Variants in PCYT1B observed in about 807,000 individuals in gnomAD.
PCYT1B encodes phosphate cytidylyltransferase 1B, choline.
A neutral mutation model predicts 26.4 loss-of-function variants in PCYT1B; 10 were observed. The observed-to-expected ratio is 0.38, with a 90% CI of 0.23 to 0.64. PCYT1B has a LOEUF of 0.64. PCYT1B is among the 30% of genes least tolerant of loss of function. The pLI is 0.56. For missense variants in PCYT1B, 161 were observed against 292.7 expected (o/e 0.55, Z 3.28); for synonymous variants, 131 against 108.4 (o/e 1.21, Z -1.29).
At chrX:24,587,609 A>G (rs1216195642) in intron 4 of PCYT1B, among the ~76,000 whole-genome samples, 1 of 111,802 alleles carries the variant, frequency 8.9e-6, no homozygotes, top group East Asian at 2.8e-4. Flanking sequence ...TTCTGCATCT[A>G]AAGTTTCTCC....
intron 1 of PCYT1B, among the ~76,000 whole-genome samples, chrX:24,629,587 A>AC (rs1925996986): frequency 2.0e-5 from 2 of 101,007 alleles, no homozygotes; most frequent in Admixed American, 1.1e-4. Context: ...AAAAAAAAAA[A>AC]AAACAACACG....
At chrX:24,570,314 T>C (rs1329984989) in intron 7 of PCYT1B, among the ~76,000 whole-genome samples, 1 of 109,106 alleles carries the variant, frequency 9.2e-6, no homozygotes, top group Non-Finnish European at 1.9e-5. Flanking sequence ...AGTGCAGTGG[T>C]GCAATCTCGA....
upstream of PCYT1B, among the ~76,000 whole-genome samples, chrX:24,648,716 A>G (rs1419430023): frequency 9.1e-6 from 1 of 109,906 alleles, no homozygotes; most frequent in Non-Finnish European, 1.9e-5. Context: ...CCCGGACCTG[A>G]TTCAGTAAGT....
At chrX:24,651,470 AAAATATATATATATAT>A (rs1277211989), upstream of PCYT1B, among the ~76,000 whole-genome samples, 24 of 37,107 alleles carry the variant, frequency 6.5e-4, 3 homozygotes, top group African/African-American at 2.4e-3. Flanking sequence ...AAAAAAAAAA[AAAATATATATATATAT>A]ATATATATAT....
chrX:24,664,410 G>GA (rs1221301490), intron 1 of PCYT1B, among the ~76,000 whole-genome samples: 1 of 111,309 alleles, frequency 9.0e-6, no homozygotes, highest in Non-Finnish European at 1.9e-5. Flanking sequence ...TTCTTTATGA[G>GA]AAAAAAAATC....
intron 5 of PCYT1B, among the ~76,000 whole-genome samples, chrX:24,581,583 G>T (rs750440807): frequency 4.5e-5 from 5 of 111,935 alleles, no homozygotes; most frequent in Admixed American, 9.5e-5. Flanking sequence ...CCTTCCCATG[G>T]ACCACTCCCC....
intron 2 of PCYT1B, among the ~76,000 whole-genome samples, chrX:24,610,827 A>C (rs1457954820): frequency 1.8e-5 from 2 of 111,558 alleles, no homozygotes; most frequent in African/African-American, 6.5e-5. Context: ...TCAACAAATA[A>C]ACTTCAAGGC....
chrX:24,611,657 C>T (rs1925312118), intron 2 of PCYT1B, among the ~76,000 whole-genome samples: 1 of 110,882 alleles, frequency 9.0e-6, no homozygotes, highest in African/African-American at 3.3e-5. Context: ...GACATTATTC[C>T]CATGATTATG....
intron 2 of PCYT1B, among the ~76,000 whole-genome samples, chrX:24,617,622 A>G (rs1392774403): frequency 9.3e-6 from 1 of 108,020 alleles, no homozygotes; most frequent in Non-Finnish European, 1.9e-5. Flanking sequence ...TAATTTTTGT[A>G]TTTTTAGTAG....
At chrX:24,606,592 A>G (rs907567959) in intron 3 of PCYT1B, among the ~76,000 whole-genome samples, 7 of 112,247 alleles carry the variant, frequency 6.2e-5, no homozygotes, top group African/African-American at 2.3e-4. Flanking sequence ...GGCTGGGCAC[A>G]GTGGCTCACG....
intron 5 of PCYT1B, among the ~76,000 whole-genome samples, chrX:24,584,963 A>C (rs1455820702): frequency 8.9e-6 from 1 of 112,170 alleles, no homozygotes; most frequent in Admixed American, 9.5e-5. Flanking sequence ...TGTCTTTTGA[A>C]CTATTAAGAA....
At chrX:24,601,619 A>T (rs1924969085) in intron 3 of PCYT1B, among the ~76,000 whole-genome samples, 1 of 111,789 alleles carries the variant, frequency 8.9e-6, no homozygotes. Flanking sequence ...AAACAGCTGG[A>T]TTTTAAAAAA....
intron 1 of PCYT1B, among the ~76,000 whole-genome samples, chrX:24,623,364 CATATATATATATATATATATAT>C (rs57642734): frequency 0.013 from 1,047 of 79,677 alleles, 20 homozygotes; most frequent in African/African-American, 0.047. Context: ...ATGAGATTTA[CATATATATATATATATATATAT>C]ATATATATAT....
chrX:24,666,395 T>C (rs775630139), intron 1 of PCYT1B, among the ~76,000 whole-genome samples: 4 of 111,841 alleles, frequency 3.6e-5, no homozygotes, highest in Non-Finnish European at 3.8e-5. Context: ...AAAGATTGAT[T>C]TTTTGGTAAA....
At chrX:24,637,487 A>ATATATATATATATATATATATATAT (rs1218518627) in intron 1 of PCYT1B, among the ~76,000 whole-genome samples, 5 of 56,141 alleles carry the variant, frequency 8.9e-5, no homozygotes, top group African/African-American at 1.5e-4. Flanking sequence ...ACTAAAAAAA[A>ATATATATATATATATATATATATAT]AAAAATATAT....
chrX:24,603,785 C>T (rs184968162), intron 3 of PCYT1B, among the ~76,000 whole-genome samples: 383 of 111,575 alleles, frequency 3.4e-3, no homozygotes, highest in African/African-American at 0.011. Context: ...CTAGAATCTG[C>T]CTTTGTTTTG....
chrX:24,629,178 G>T (rs1925970392), intron 1 of PCYT1B, among the ~76,000 whole-genome samples: 1 of 111,840 alleles, frequency 8.9e-6, no homozygotes, highest in Non-Finnish European at 1.9e-5. Context: ...TCTGTCCTTT[G>T]CCTATTTTTC....
intron 1 of PCYT1B, among the ~76,000 whole-genome samples, chrX:24,655,955 T>TA (rs1926896462): frequency 3.2e-5 from 2 of 62,814 alleles, no homozygotes; most frequent in African/African-American, 6.3e-5. Flanking sequence ...CCGTCTCTAC[T>TA]AAAAATACAA....
intron 7 of PCYT1B, 79 bp downstream of exon 7, chrX:24,575,051 C>T: frequency 2.5e-6 from 2 of 801,749 alleles, no homozygotes; most frequent in Non-Finnish European, 3.5e-6. Context: ...AGATAAGGGG[C>T]ACCCTTGAGT....
Sources: gnomAD v4.1 joint callset for allele counts (sites outside exome capture counted in the v4.1 genomes callset) on GRCh38, gnomAD v4.1.1 for gene constraint, MANE v1.5 for transcripts, NCBI Gene and HGNC (gene_info 2026-07-23, HGNC 2026-07-21) for gene names.